Variants in TGFBR3 observed in about 807,000 individuals in gnomAD.
TGFBR3 encodes the protein transforming growth factor beta receptor type 3.
In TGFBR3, 46 loss-of-function variants were observed where a neutral mutation model predicts 87.9. That is an observed-to-expected ratio of 0.52 (90% CI 0.41 to 0.67). The LOEUF is 0.67. TGFBR3 is among the 30% of genes least tolerant of loss of function. The pLI is 0.00. For missense variants in TGFBR3, 866 were observed against 1,041.9 expected, an observed-to-expected ratio of 0.83 and a Z score of 2.32; for synonymous variants, 381 against 391.6, an observed-to-expected ratio of 0.97 and a Z score of 0.32.
At chr1:91,688,787 C>CA (rs1392266868) in intron 16 of TGFBR3, among the ~76,000 whole-genome samples, 6 of 152,088 alleles carry the variant, frequency 3.9e-5, no homozygotes, top group Non-Finnish European at 5.9e-5. Flanking sequence ...AAGAGGTTTT[C>CA]ATTAGAAGTA....
upstream of TGFBR3, chr1:91,886,256 C>T (rs780627448): frequency 6.9e-6 from 3 of 437,408 alleles, no homozygotes; most frequent in South Asian, 4.8e-5. Context: ...GGGCGCTCCT[C>T]CGCCGGCCCC....
At chr1:91,703,507 T>C (rs1671691864) in intron 14 of TGFBR3, among the ~76,000 whole-genome samples, 1 of 152,226 alleles carries the variant, frequency 6.6e-6, no homozygotes, top group African/African-American at 2.4e-5. Flanking sequence ...TCTATAGGTA[T>C]GTAAATCACG....
At chr1:91,731,574 G>A (rs966014893) in intron 5 of TGFBR3, among the ~76,000 whole-genome samples, 2 of 152,126 alleles carry the variant, frequency 1.3e-5, no homozygotes, top group Admixed American at 6.5e-5. Context: ...GCAGCCCTGC[G>A]GATGCCTCCC....
intron 2 of TGFBR3, among the ~76,000 whole-genome samples, chr1:91,815,475 TC>T: frequency 6.6e-6 from 1 of 152,056 alleles, no homozygotes; most frequent in East Asian, 1.9e-4. Context: ...ATATGAAAGA[TC>T]AACAGAAAAG....
intron 2 of TGFBR3, among the ~76,000 whole-genome samples, chr1:91,798,593 G>A (rs186470173): frequency 1.5e-3 from 232 of 152,024 alleles, no homozygotes; most frequent in Non-Finnish European, 1.4e-3. Context: ...CTGCCCTCCC[G>A]CAATCCATCT....
upstream of TGFBR3, among the ~76,000 whole-genome samples, chr1:91,887,304 G>A (rs888829517): frequency 2.1e-5 from 3 of 140,028 alleles, no homozygotes; most frequent in Non-Finnish European, 4.5e-5. Context: ...GGAGTGCAGT[G>A]GCACAATCTC....
intron 13 of TGFBR3, among the ~76,000 whole-genome samples, chr1:91,710,560 GGC>G (rs17882321): frequency 0.011 from 1,698 of 152,196 alleles, 29 homozygotes; most frequent in African/African-American, 0.039. Context: ...AAGATTCTTT[GGC>G]GCTCTCTATT....
chr1:91,719,784 GCC>G, intron 9 of TGFBR3, 107 bp downstream of exon 9: 1 of 1,241,068 alleles, frequency 8.1e-7, no homozygotes, highest in South Asian at 1.2e-5. Flanking sequence ...ACAGTATCAA[GCC>G]TCCGGAGTTC....
intron 7 of TGFBR3, among the ~76,000 whole-genome samples, chr1:91,726,038 A>G (rs1032259393): frequency 1.3e-5 from 2 of 152,236 alleles, no homozygotes; most frequent in Non-Finnish European, 2.9e-5. Context: ...TAATGTTGTC[A>G]TGCATTGTCC....
intron 2 of TGFBR3, among the ~76,000 whole-genome samples, chr1:91,812,486 T>A (rs2101041315): frequency 6.6e-6 from 1 of 152,320 alleles, no homozygotes; most frequent in African/African-American, 2.4e-5. Flanking sequence ...ATCCTGAAAC[T>A]CGCTTATTGT....
intron 2 of TGFBR3, among the ~76,000 whole-genome samples, chr1:91,846,752 A>G (rs1222242878): frequency 6.6e-6 from 1 of 152,082 alleles, no homozygotes; most frequent in African/African-American, 2.4e-5. Context: ...TCATCTCAAA[A>G]TGTCCTTCTT....
chr1:91,780,997 T>C (rs995644490), intron 3 of TGFBR3, among the ~76,000 whole-genome samples: 6 of 151,826 alleles, frequency 4.0e-5, no homozygotes, highest in African/African-American at 1.5e-4. Context: ...TGTGAACTGA[T>C]GAACTGATGT....
At position 91,680,662 on chromosome 1, in the gene TGFBR3, A is replaced by G; in HGVS notation, c.*3077T>C. On this transcript the variant is annotated 3_prime_UTR_variant, in exon 17 of 17. Coordinates refer to ENST00000212355, the MANE Select transcript of TGFBR3 (RefSeq NM_003243.5). Reference sequence around the variant, plus strand: ...ACAACCCCCAGATAAAACAAACATGAAAAAAATCACATAGGACTCACCCAA... The same window carrying G: ...ACAACCCCCAGATAAAACAAACATGGAAAAAATCACATAGGACTCACCCAA... The G allele has an allele frequency of 4.4e-6, 2 of 453,982 alleles. No individual in the cohort carries two copies. Among genetic ancestry groups the G allele is most frequent in the Non-Finnish European group, 8.8e-6 (2 of 226,764 alleles). 28.1% of individuals were successfully genotyped at this position (453,982 alleles called of 1,614,324 possible).
chr1:91,773,047 T>C (rs1418148139), intron 3 of TGFBR3, among the ~76,000 whole-genome samples: 1 of 152,194 alleles, frequency 6.6e-6, no homozygotes, highest in Non-Finnish European at 1.5e-5. Context: ...TCCCCAATTT[T>C]GCCTTCCTCC....
chr1:91,822,306 A>G (rs886278195), intron 2 of TGFBR3, among the ~76,000 whole-genome samples: 4 of 150,642 alleles, frequency 2.7e-5, no homozygotes, highest in Non-Finnish European at 5.9e-5. Context: ...AAAAAAAAAA[A>G]AAAAAAAAAA....
chr1:91,891,984 T>C (rs923753713), intron 2 of TGFBR3, among the ~76,000 whole-genome samples: 1 of 152,200 alleles, frequency 6.6e-6, no homozygotes, highest in African/African-American at 2.4e-5. Flanking sequence ...GATGAACCTG[T>C]ATGCAGAGCA....
At chr1:91,785,593 T>A (rs1038812622) in intron 3 of TGFBR3, among the ~76,000 whole-genome samples, 3 of 152,158 alleles carry the variant, frequency 2.0e-5, no homozygotes, top group Admixed American at 6.5e-5. Flanking sequence ...CCACACCGTG[T>A]AGGTGAAGAA....
At chr1:91,852,296 C>CCA (rs1677767222) in intron 2 of TGFBR3, among the ~76,000 whole-genome samples, 1 of 151,962 alleles carries the variant, frequency 6.6e-6, no homozygotes, top group Admixed American at 6.6e-5. Flanking sequence ...CACCCCACCT[C>CCA]CACACACACA....
chr1:91,881,220 G>C (rs17883706), intron 1 of TGFBR3, among the ~76,000 whole-genome samples: 1,664 of 152,232 alleles, frequency 0.011, 29 homozygotes, highest in African/African-American at 0.038. Flanking sequence ...ATATACTAAA[G>C]AAGTCAGCAG....
Sources: gnomAD v4.1 joint callset for allele counts (sites outside exome capture counted in the v4.1 genomes callset) on GRCh38, gnomAD v4.1.1 for gene constraint, MANE v1.5 for transcripts, NCBI Gene and HGNC (gene_info 2026-07-23, HGNC 2026-07-21) for gene names.